The following TCF12 variants were observed in gnomAD, a reference collection of about 807,000 sequenced individuals.
TCF12 encodes the protein transcription factor 12, also known as DNA-binding protein HTF4.
In TCF12, 45 loss-of-function variants were observed where a neutral mutation model predicts 86.0. The ratio of observed to expected loss-of-function variants is 0.52; its 90% confidence interval spans 0.41 to 0.67. The LOEUF (loss-of-function observed/expected upper bound fraction) is 0.67, where lower values mean the gene tolerates loss of function less well. TCF12 is among the 30% of genes least tolerant of loss of function. The probability of loss-of-function intolerance (pLI) is 0.00; values close to 1 mark genes in which losing one functional copy is unlikely to be tolerated. For synonymous variants in TCF12, 330 were observed against 299.6 expected (o/e 1.10, Z -1.05); for missense variants, 881 against 859.9 (o/e 1.02, Z -0.31).
At chr15:57,071,989 G>C (rs894318701) in intron 4 of TCF12, among the ~76,000 whole-genome samples, 1 of 152,164 alleles carries the variant, frequency 6.6e-6, no homozygotes, top group African/African-American at 2.4e-5. Context: ...AGAAAAAAAT[G>C]TTATCTATTC....
chr15:57,172,857 T>G (rs1399970876), intron 6 of TCF12, among the ~76,000 whole-genome samples: 1 of 151,970 alleles, frequency 6.6e-6, no homozygotes, highest in Non-Finnish European at 1.5e-5. Flanking sequence ...CCCCAGCCCT[T>G]TGGAAGGCCG....
intron 5 of TCF12, among the ~76,000 whole-genome samples, chr15:57,114,252 G>A (rs1190599515): frequency 6.6e-6 from 1 of 152,108 alleles, no homozygotes; most frequent in Non-Finnish European, 1.5e-5. Context: ...GTCATCCCAA[G>A]GTACTTTCAG....
At chr15:57,258,158 G>T (rs970777032) in intron 16 of TCF12, among the ~76,000 whole-genome samples, 4 of 152,114 alleles carry the variant, frequency 2.6e-5, no homozygotes, top group African/African-American at 9.7e-5. Flanking sequence ...GCGCATGCCT[G>T]TAATCCCAGG....
At position 57,044,804 on chromosome 15, in the gene TCF12, A is replaced by T. The variant is rs148254398; in HGVS notation, c.149-18946A>T. ...TTCACGGATTTGTTATGTTTTCCAT[A>T]CAAATACATGTTTTGAGGTTAGTGG... is the stretch of plus-strand genomic sequence containing the variant. On this transcript the variant is annotated intron_variant, in intron 3 of 20. Coordinates refer to ENST00000333725, the MANE Select transcript of TCF12 (RefSeq NM_207037.2). Among the ~76,000 whole-genome samples, 497 of 152,222 alleles carry T rather than the reference A, an allele frequency of 3.3e-3. 2 individuals carry two copies. The highest frequency in any genetic ancestry group is 0.012 in the African/African-American group (481 of 41,522).
intron 3 of TCF12, among the ~76,000 whole-genome samples, chr15:56,992,834 C>T (rs185551320): frequency 2.6e-5 from 4 of 152,020 alleles, no homozygotes; most frequent in South Asian, 2.1e-4. Flanking sequence ...TTTAAATTAC[C>T]GATTATCTTT....
chr15:57,231,073 TA>T lies in TCF12; in HGVS notation c.580-78del, dbSNP rs2059116818. On this transcript the variant is annotated intron_variant, in intron 8 of 20. Transcript: ENST00000333725. ...ATTAGATAGGCCTTTTTAAGCCCCTTACAGAATATAGAACTCATTTTACATA... is the reference window on the plus strand; with the variant it reads ...ATTAGATAGGCCTTTTTAAGCCCCTTCAGAATATAGAACTCATTTTACATA... 3.6e-6 allele frequency: 4 copies of T among 1,113,286 alleles called. No individual in the cohort carries two copies. In the East Asian group the frequency reaches 9.7e-5, roughly 27 times the overall value. The allele number at this position is 1,113,286 out of a possible 1,614,324, so 69.0% of individuals were successfully genotyped here. A position where few individuals can be genotyped will look rare whatever the true frequency, so the allele number is the denominator to read the frequency against.
chr15:57,029,711 A>G (rs1209960974), intron 3 of TCF12, among the ~76,000 whole-genome samples: 2 of 152,206 alleles, frequency 1.3e-5, no homozygotes, highest in East Asian at 1.9e-4. Flanking sequence ...CCTATAAACC[A>G]TGTTCAAGCT....
intron 13 of TCF12, chr15:57,248,178 A>T (rs2059948535): frequency 1.4e-6 from 1 of 692,210 alleles, no homozygotes; most frequent in African/African-American, 1.8e-5. Context: ...CTTACGTCTT[A>T]TTGGCCAGCA....
Position 57,098,850 on chromosome 15 carries a change from A to G in TCF12, c.325+6959A>G, listed in dbSNP as rs112287337. On this transcript the variant is annotated intron_variant, in intron 5 of 20. Transcript: ENST00000333725. ...CATGGGGGACCTAGGGGTTTAAACAATATCATCAGCCCTCCCTCTTTCACC... is the reference window on the plus strand; with the variant it reads ...CATGGGGGACCTAGGGGTTTAAACAGTATCATCAGCCCTCCCTCTTTCACC... 7.9e-4 allele frequency among the ~76,000 whole-genome samples: 120 copies of G among 152,342 alleles called. 4 individuals carry two copies. The highest frequency in any genetic ancestry group is 2.8e-3 in the African/African-American group (118 of 41,586).
intron 6 of TCF12, among the ~76,000 whole-genome samples, chr15:57,177,743 A>T (rs2056055961): frequency 6.6e-6 from 1 of 151,432 alleles, no homozygotes; most frequent in Non-Finnish European, 1.5e-5. Context: ...ATTTTGTGAA[A>T]CAGATCTCGC....
chr15:57,272,919 A>G, intron 18 of TCF12, 111 bp from the exon 19 acceptor site: 2 of 1,031,036 alleles, frequency 1.9e-6, no homozygotes, highest in Non-Finnish European at 1.4e-6. Flanking sequence ...AACTGTTTAC[A>G]AGATTTATAG....
At chr15:56,954,994 G>A (rs193024434) in intron 3 of TCF12, among the ~76,000 whole-genome samples, 2 of 152,148 alleles carry the variant, frequency 1.3e-5, no homozygotes, top group African/African-American at 2.4e-5. Flanking sequence ...ACAGTGTGGC[G>A]ATCCCTCAAG....
intron 18 of TCF12, among the ~76,000 whole-genome samples, chr15:57,267,005 G>A (rs1208817804): frequency 6.6e-6 from 1 of 152,146 alleles, no homozygotes. Context: ...TTCTAGCCTG[G>A]CTAACAGAGA....
At chr15:57,219,398 CT>C in intron 8 of TCF12, 2 of 1,346,022 alleles carry the variant, frequency 1.5e-6, no homozygotes, top group Non-Finnish European at 1.9e-6. Flanking sequence ...GCATAAGTTC[CT>C]TTTGAGTAGA....
chr15:57,024,216 C>CTTTTTTTT lies in TCF12; in HGVS notation c.149-39517_149-39510dup, dbSNP rs59793819. Among the ~76,000 whole-genome samples the CTTTTTTTT allele has an allele frequency of 3.2e-4, 36 of 111,288 alleles. 1 individual carries two copies. The highest frequency in any genetic ancestry group is 9.4e-4 in the African/African-American group (30 of 32,008). The allele number at this position is 111,288 out of a possible 152,430, so 73.0% of individuals were successfully genotyped here. A position where few individuals can be genotyped will look rare whatever the true frequency, so the allele number is the denominator to read the frequency against. ...TGAGGACCCATACTCAAAAAAGTGT[C>CTTTTTTTT]TTTTTTTTTTTTTTTTTTTTTTTTG... On this transcript the variant is annotated intron_variant, in intron 3 of 20. Transcript: ENST00000333725.
intron 3 of TCF12, among the ~76,000 whole-genome samples, chr15:56,983,548 T>C (rs999347671): frequency 1.1e-4 from 17 of 152,208 alleles, no homozygotes; most frequent in African/African-American, 3.9e-4. Flanking sequence ...CTATATATTA[T>C]GTAACATTTC....
intron 3 of TCF12, among the ~76,000 whole-genome samples, chr15:56,927,141 T>C (rs2060050705): frequency 6.6e-6 from 1 of 152,194 alleles, no homozygotes; most frequent in South Asian, 2.1e-4. Context: ...AGGATAGTAG[T>C]GCTGGAGGTA....
At chr15:57,276,738 G>A (rs2061413610) in intron 19 of TCF12, among the ~76,000 whole-genome samples, 1 of 151,722 alleles carries the variant, frequency 6.6e-6, no homozygotes, top group African/African-American at 2.4e-5. Flanking sequence ...GGAGATAGTG[G>A]AGCAGCACCT....
At chr15:57,237,638 T>C (rs1480303891) in intron 12 of TCF12, among the ~76,000 whole-genome samples, 1 of 152,216 alleles carries the variant, frequency 6.6e-6, no homozygotes, top group African/African-American at 2.4e-5. Context: ...AATCACTCTT[T>C]ACCCCCATTT....
Sources: gnomAD v4.1 joint callset for allele counts (sites outside exome capture counted in the v4.1 genomes callset) on GRCh38, gnomAD v4.1.1 for gene constraint, MANE v1.5 for transcripts, NCBI Gene and HGNC (gene_info 2026-07-23, HGNC 2026-07-21) for gene names.